The following TXNRD1 variants were observed in gnomAD, a reference collection of about 807,000 sequenced individuals.
TXNRD1 encodes thioredoxin reductase 1, also known as thioredoxin reductase 1, cytoplasmic.
In TXNRD1, 57 loss-of-function variants were observed where a neutral mutation model predicts 80.3. The ratio of observed to expected loss-of-function variants is 0.71; its 90% confidence interval spans 0.57 to 0.89. The LOEUF is 0.89. Among genes scored for constraint, TXNRD1 ranks in the 40% least tolerant of loss-of-function variants. The pLI is 0.00. For missense variants in TXNRD1, 730 were observed against 803.0 expected (o/e 0.91, Z 1.10); for synonymous variants, 291 against 285.2 (o/e 1.02, Z -0.20).
intron 3 of TXNRD1, 29 bp downstream of exon 3, chr12:104,258,108 AG>A: frequency 6.9e-7 from 1 of 1,441,200 alleles, no homozygotes; most frequent in Non-Finnish European, 9.5e-7. Context: ...TGTAAATCAT[AG>A]CTGCTGACTG....
At chr12:104,326,468 T>C in intron 12 of TXNRD1, 45 bp downstream of exon 12, 2 of 1,269,738 alleles carry the variant, frequency 1.6e-6, no homozygotes, top group Non-Finnish European at 2.2e-6. Flanking sequence ...GGATTTTTTT[T>C]TTTTTTTTTT....
At chr12:104,318,221 C>A (rs961505262) in intron 7 of TXNRD1, among the ~76,000 whole-genome samples, 38 of 152,060 alleles carry the variant, frequency 2.5e-4, no homozygotes, top group African/African-American at 8.9e-4. Flanking sequence ...ATGACAGAAT[C>A]AAAAAGAATA....
chr12:104,274,466 C>T (rs887549938), intron 3 of TXNRD1, among the ~76,000 whole-genome samples: 19 of 152,102 alleles, frequency 1.2e-4, no homozygotes, highest in African/African-American at 4.1e-4. Context: ...GAGGCCGAGG[C>T]GGGTGGATCG....
At chr12:104,228,328 T>A (rs1433153165) in intron 1 of TXNRD1, among the ~76,000 whole-genome samples, 2 of 150,598 alleles carry the variant, frequency 1.3e-5, no homozygotes, top group Admixed American at 1.3e-4. Context: ...AAATCTGTAT[T>A]TGATTAACAT....
chr12:104,304,930 A>C, intron 4 of TXNRD1: 1 of 1,585,200 alleles, frequency 6.3e-7, no homozygotes, highest in Non-Finnish European at 8.5e-7. Context: ...CATACTCCTC[A>C]TACTAAAGAT....
rs2036597202 is a variant in TXNRD1 at position 104,349,993 on chromosome 12, TTTA to T, written c.*1575_*1577del. 1 of 152,226 alleles carries T rather than the reference TTTA, an allele frequency of 6.6e-6. No individual in the cohort carries two copies. The allele number at this position is 152,226 out of a possible 1,614,324, so 9.4% of individuals were successfully genotyped here. ...ATTGAGGCAGTTGACCATATTCAGT[TTTA>T]TTTATTTATTTTTAATTTGTTTTTT... On this transcript the variant is annotated 3_prime_UTR_variant, in exon 17 of 17. Coordinates refer to ENST00000525566, the MANE Select transcript of TXNRD1 (RefSeq NM_001093771.3).
chr12:104,329,709 T>C (rs952151974), intron 13 of TXNRD1, among the ~76,000 whole-genome samples: 16 of 152,156 alleles, frequency 1.1e-4, no homozygotes, highest in African/African-American at 3.9e-4. Context: ...TTGGACATAC[T>C]CTTCTCTGTC....
intron 1 of TXNRD1, among the ~76,000 whole-genome samples, chr12:104,224,156 G>A (rs978526967): frequency 6.6e-6 from 1 of 152,062 alleles, no homozygotes; most frequent in African/African-American, 2.4e-5. Context: ...TCACTCATCT[G>A]TTCATGAATG....
At chr12:104,278,920 C>G (rs2033820762) in intron 3 of TXNRD1, among the ~76,000 whole-genome samples, 1 of 152,094 alleles carries the variant, frequency 6.6e-6, no homozygotes, top group Non-Finnish European at 1.5e-5. Context: ...TACAAATTAA[C>G]TAAGTAATAT....
At chr12:104,229,779 G>A (rs1024730174) in intron 1 of TXNRD1, among the ~76,000 whole-genome samples, 1 of 151,786 alleles carries the variant, frequency 6.6e-6, no homozygotes, top group African/African-American at 2.4e-5. Flanking sequence ...TTTTAGTAGA[G>A]ATGGGGTTGC....
intron 4 of TXNRD1, among the ~76,000 whole-genome samples, chr12:104,306,802 T>C (rs2034934075): frequency 6.6e-6 from 1 of 152,216 alleles, no homozygotes; most frequent in African/African-American, 2.4e-5. Context: ...CTCATCCTCA[T>C]TTCCAGCATG....
rs570994184 is a variant in TXNRD1 at position 104,246,044 on chromosome 12, C to T, written c.92-5483C>T. On this transcript the variant is annotated intron_variant, in intron 1 of 16. Transcript: ENST00000525566. The stretch of plus-strand genomic sequence containing the variant: ...AGGAGAATGGCGTGAACTCGGGAGG[C>T]GGAGCTTGCAGTGAGCTGAGATCGC... 3.6e-5 allele frequency among the ~76,000 whole-genome samples: 5 copies of T among 140,438 alleles called. No homozygotes were observed. In the East Asian group the frequency reaches 8.8e-4, roughly 25 times the overall value. 92.1% of individuals were successfully genotyped at this position (140,438 alleles called of 152,430 possible).
At chr12:104,291,136 A>G in intron 4 of TXNRD1, 1 of 605,312 alleles carries the variant, frequency 1.7e-6, no homozygotes, top group Non-Finnish European at 2.9e-6. Flanking sequence ...GCATACCATC[A>G]AGAACACTTA....
chr12:104,229,285 C>G (rs1055602753), intron 1 of TXNRD1, among the ~76,000 whole-genome samples: 2 of 151,238 alleles, frequency 1.3e-5, no homozygotes, highest in African/African-American at 4.9e-5. Context: ...GTAGCTGGGA[C>G]TACGGGCACA....
intron 3 of TXNRD1, among the ~76,000 whole-genome samples, chr12:104,273,749 T>C (rs1270527946): frequency 6.6e-6 from 1 of 152,224 alleles, no homozygotes; most frequent in East Asian, 1.9e-4. Flanking sequence ...AAGCCTGTGA[T>C]GGTGAAGAAA....
In TXNRD1 at chr12:104,327,532, T is replaced by C; in HGVS notation, c.1403T>C (p.Val468Ala). ...AATTGCAGGACTGGAAAAATACCTGTCACAGATGAAGAACAGACCAATGTG... is the reference window on the plus strand; with the variant it reads ...AATTGCAGGACTGGAAAAATACCTGCCACAGATGAAGAACAGACCAATGTG... Reference protein sequence around the residue: ...KINEKTGKIPVTDEEQTNVPY... With the variant: ...KINEKTGKIPATDEEQTNVPY... Residue 468 changes from valine to alanine, a missense_variant, in exon 13 of 17, where the codon GTC becomes GCC. Coordinates refer to ENST00000525566, the MANE Select transcript of TXNRD1 (RefSeq NM_001093771.3). 2 of 1,612,880 alleles carry C rather than the reference T, an allele frequency of 1.2e-6. No homozygotes were observed. Among genetic ancestry groups the C allele is most frequent in the Non-Finnish European group, 1.7e-6 (2 of 1,179,264 alleles).
intron 3 of TXNRD1, among the ~76,000 whole-genome samples, chr12:104,279,681 C>A (rs2033835151): frequency 6.6e-6 from 1 of 152,170 alleles, no homozygotes; most frequent in Admixed American, 6.5e-5. Flanking sequence ...TTTGCTCCTT[C>A]TTTGGAAATT....
chr12:104,323,054 C>T (rs1434859250), intron 10 of TXNRD1, among the ~76,000 whole-genome samples: 2 of 117,806 alleles, frequency 1.7e-5, no homozygotes, highest in Non-Finnish European at 3.5e-5. Flanking sequence ...GCACATCTTG[C>T]ACTGCCCTTA....
chr12:104,221,699 G>C (rs961400026), intron 1 of TXNRD1, among the ~76,000 whole-genome samples: 6 of 152,124 alleles, frequency 3.9e-5, no homozygotes, highest in African/African-American at 1.4e-4. Flanking sequence ...ATATAGAAAA[G>C]TTATTTTTGC....
Sources: gnomAD v4.1 joint callset for allele counts (sites outside exome capture counted in the v4.1 genomes callset) on GRCh38, gnomAD v4.1.1 for gene constraint, MANE v1.5 for transcripts, NCBI Gene and HGNC (gene_info 2026-07-23, HGNC 2026-07-21) for gene names.